Variants in FKBP5 observed in about 807,000 individuals in gnomAD.
The protein encoded by FKBP5 is peptidyl-prolyl cis-trans isomerase FKBP5.
In FKBP5, 23 loss-of-function variants were observed where a neutral mutation model predicts 50.5. The ratio of observed to expected loss-of-function variants is 0.46; its 90% CI spans 0.33 to 0.65. FKBP5 has a LOEUF of 0.65. Among genes scored for constraint, FKBP5 ranks in the 30% least tolerant of loss-of-function variants. The pLI is 0.02. For missense variants in FKBP5, 411 were observed against 553.1 expected (o/e 0.74, Z 2.58); for synonymous variants, 176 against 190.6 (o/e 0.92, Z 0.63).
chr6:35,616,740 C>T (rs1475261049), intron 5 of FKBP5, among the ~76,000 whole-genome samples: 2 of 152,030 alleles, frequency 1.3e-5, no homozygotes, highest in African/African-American at 4.8e-5. Context: ...ACAAAACCCT[C>T]CAGTTTAAAA....
At chr6:35,684,337 C>T (rs115619853) in intron 1 of FKBP5, among the ~76,000 whole-genome samples, 166 of 152,154 alleles carry the variant, frequency 1.1e-3, no homozygotes, top group African/African-American at 3.7e-3. Flanking sequence ...CTCCACCACA[C>T]CTGGCTAACT....
At position 35,575,718 on chromosome 6, in the gene FKBP5, C is replaced by A. The variant is rs1762189762; in HGVS notation, c.*117G>T. On this transcript the variant is annotated 3_prime_UTR_variant, in exon 11 of 11. Coordinates refer to ENST00000357266, the MANE Select transcript of FKBP5 (RefSeq NM_004117.4). Reference sequence around the variant, plus strand: ...AAGCTACTGGTTTTGCCATTTGCTTCCAGAATCACATAGACTATAACAAAC... The same window carrying A: ...AAGCTACTGGTTTTGCCATTTGCTTACAGAATCACATAGACTATAACAAAC... The A allele has an allele frequency of 2.6e-6, 2 of 779,504 alleles. No individual in the cohort carries two copies. The highest frequency in any genetic ancestry group is 4.4e-6 in the Non-Finnish European group (2 of 455,376). 48.3% of individuals were successfully genotyped at this position (779,504 alleles called of 1,614,324 possible).
chr6:35,590,628 C>G (rs1349944448), intron 7 of FKBP5, among the ~76,000 whole-genome samples: 1 of 152,044 alleles, frequency 6.6e-6, no homozygotes, highest in Non-Finnish European at 1.5e-5. Context: ...TGCTTTCTTT[C>G]TTGTATCTCT....
At chr6:35,588,019 T>TA (rs1561845797) in intron 7 of FKBP5, among the ~76,000 whole-genome samples, 8 of 151,406 alleles carry the variant, frequency 5.3e-5, no homozygotes, top group African/African-American at 1.9e-4. Context: ...CTTTTATTAT[T>TA]ATTATTATTA....
rs146383034 is a variant in FKBP5, at chr6:35,603,846, C to T, written c.509-6442G>A. Among the ~76,000 whole-genome samples, 1,330 of 152,212 alleles carry T rather than the reference C, an allele frequency of 8.7e-3. 81 individuals carry two copies. In the East Asian group the frequency reaches 0.17, roughly 20 times the overall value. On this transcript the variant is annotated intron_variant, in intron 5 of 10. Transcript: ENST00000357266. Reference sequence around the variant, plus strand: ...TCAGACTCCCAAGTAGCTGGGACTACAGGCCCGCACCACCATGCCCAGCTA... The same window carrying T: ...TCAGACTCCCAAGTAGCTGGGACTATAGGCCCGCACCACCATGCCCAGCTA...
chr6:35,709,052 C>T lies in FKBP5; in HGVS notation c.-20+11276G>A, dbSNP rs187887140. 2.6e-4 allele frequency among the ~76,000 whole-genome samples: 40 copies of T among 152,232 alleles called. No individual in the cohort carries two copies. The East Asian group carries it at 3.7e-3, about 14-fold the overall frequency. On this transcript the variant is annotated intron_variant, in intron 2 of 11. Transcript: ENST00000536438. ...TAGATATTATATTAGTCTGTTTTCA[C>T]GCTGCTGATAAAGACATACCTGAGA...
At chr6:35,716,763 C>T (rs1323810607) in intron 2 of FKBP5, among the ~76,000 whole-genome samples, 1 of 140,742 alleles carries the variant, frequency 7.1e-6, no homozygotes, top group African/African-American at 2.5e-5. Flanking sequence ...TCCTGCTGTG[C>T]TGCCCTGGAG....
chr6:35,605,062 C>A (rs886419583), intron 5 of FKBP5, among the ~76,000 whole-genome samples: 1 of 152,178 alleles, frequency 6.6e-6, no homozygotes, highest in African/African-American at 2.4e-5. Flanking sequence ...GGATTACAGG[C>A]GTGAGCCACC....
intron 2 of FKBP5, among the ~76,000 whole-genome samples, chr6:35,705,587 C>T (rs1766293907): frequency 6.6e-6 from 1 of 151,526 alleles, no homozygotes; most frequent in Non-Finnish European, 1.5e-5. Context: ...TTAATTAAAT[C>T]ATGCAAATGA....
At chr6:35,625,068 A>C (rs1763955449) in intron 3 of FKBP5, among the ~76,000 whole-genome samples, 1 of 152,222 alleles carries the variant, frequency 6.6e-6, no homozygotes, top group Non-Finnish European at 1.5e-5. Flanking sequence ...ATGTAGAATT[A>C]CTGGACCAAA....
intron 2 of FKBP5, among the ~76,000 whole-genome samples, chr6:35,711,348 G>C (rs1197610761): frequency 6.6e-6 from 1 of 150,504 alleles, no homozygotes; most frequent in East Asian, 2.0e-4. Context: ...GCCGGGAGCT[G>C]TGGGTCATGC....
intron 5 of FKBP5, among the ~76,000 whole-genome samples, chr6:35,618,480 T>A (rs1272626444): frequency 1.3e-5 from 2 of 152,198 alleles, no homozygotes; most frequent in African/African-American, 2.4e-5. Flanking sequence ...CAAGTGATTC[T>A]TCCACCTCAG....
chr6:35,611,410 T>TCA (rs1461832666), intron 5 of FKBP5, among the ~76,000 whole-genome samples: 4 of 152,146 alleles, frequency 2.6e-5, no homozygotes, highest in African/African-American at 9.7e-5. Context: ...TGGCTGAAAG[T>TCA]ACTGAGAGGC....
intron 1 of FKBP5, among the ~76,000 whole-genome samples, chr6:35,667,513 T>C (rs1179295206): frequency 2.6e-5 from 4 of 152,238 alleles, no homozygotes; most frequent in East Asian, 1.9e-4. Context: ...CCATAATTAA[T>C]ATTTAAAGTT....
chr6:35,645,910 G>A (rs1273833337), intron 1 of FKBP5, among the ~76,000 whole-genome samples: 3 of 152,188 alleles, frequency 2.0e-5, no homozygotes, highest in South Asian at 4.1e-4. Flanking sequence ...GAGGCCAGGA[G>A]TTTGAGACCA....
chr6:35,650,419 T>C (rs1332265821), intron 1 of FKBP5, among the ~76,000 whole-genome samples: 5 of 151,334 alleles, frequency 3.3e-5, no homozygotes, highest in Admixed American at 6.6e-5. Flanking sequence ...AAAAAGTCAG[T>C]TGATGATGCC....
intron 1 of FKBP5, chr6:35,664,577 C>T (rs1051825201): frequency 2.6e-5 from 4 of 154,124 alleles, no homozygotes; most frequent in African/African-American, 9.6e-5. Context: ...ATTCTTTCCC[C>T]ACTCCTGAAA....
At chr6:35,593,839 GC>G (rs1460429117) in intron 6 of FKBP5, among the ~76,000 whole-genome samples, 2 of 151,888 alleles carry the variant, frequency 1.3e-5, no homozygotes, top group Non-Finnish European at 2.9e-5. Flanking sequence ...ACAGGTGTGA[GC>G]CACCTTGCCT....
chr6:35,629,563 T>A (rs1330447030), intron 3 of FKBP5, among the ~76,000 whole-genome samples: 2 of 152,198 alleles, frequency 1.3e-5, no homozygotes, highest in African/African-American at 4.8e-5. Flanking sequence ...GCATTATCTG[T>A]CCTGGGACAG....
Sources: allele counts gnomAD v4.1 joint callset (sites outside exome capture counted in the v4.1 genomes callset), GRCh38; gene constraint gnomAD v4.1.1; transcripts MANE v1.5; gene names NCBI Gene and HGNC (gene_info 2026-07-23, HGNC 2026-07-21).